Variants in EIF4H observed in about 807,000 individuals in gnomAD.
EIF4H encodes eukaryotic translation initiation factor 4H.
EIF4H carries 8 observed loss-of-function variants against 30.6 expected under a neutral mutation model. The ratio of observed to expected loss-of-function variants is 0.26; its 90% CI spans 0.15 to 0.47. EIF4H has a LOEUF of 0.47. EIF4H is among the 20% of genes least tolerant of loss of function. The pLI is 0.99. For synonymous variants in EIF4H, 106 were observed against 122.7 expected, an observed-to-expected ratio of 0.86 and a Z score of 0.90; for missense variants, 188 against 339.5, an observed-to-expected ratio of 0.55 and a Z score of 3.51.
intron 1 of EIF4H, among the ~76,000 whole-genome samples, chr7:74,181,838 TCCC>T (rs1800970041): frequency 1.3e-5 from 2 of 151,668 alleles, no homozygotes. Context: ...CCCCTCAGCC[TCCC>T]GAGTAGCTGG....
intron 1 of EIF4H, among the ~76,000 whole-genome samples, chr7:74,178,566 T>C (rs1202267076): frequency 6.6e-6 from 1 of 151,820 alleles, no homozygotes; most frequent in Middle Eastern, 3.2e-3. Flanking sequence ...AAAGAAAAAT[T>C]AAGCTTAGTG....
At chr7:74,180,342 C>T (rs546252114) in intron 1 of EIF4H, among the ~76,000 whole-genome samples, 1 of 152,334 alleles carries the variant, frequency 6.6e-6, no homozygotes, top group African/African-American at 2.4e-5. Context: ...AGTGCTTTTC[C>T]TGCAGCAGCC....
At chr7:74,174,562 T>G in intron 1 of EIF4H, 120 bp downstream of exon 1, 1 of 973,700 alleles carries the variant, frequency 1.0e-6, no homozygotes, top group Non-Finnish European at 1.3e-6. Context: ...CGCGGAGGCC[T>G]AGGAGCGGCG....
rs1248599445 is a variant in EIF4H, at chr7:74,189,589, G to T, written c.248-84G>T. The T allele has an allele frequency of 6.7e-6, 10 of 1,489,674 alleles. No individual in the cohort carries two copies. The African/African-American group carries it at 1.3e-4, about 19-fold the overall frequency. The allele number at this position is 1,489,674 out of a possible 1,614,324, so 92.3% of individuals were successfully genotyped here. ...TAGACAACAGAATGGTAGTTGTGAC[G>T]TGGAGAAGTAGTATGAATAGGATCT... On this transcript the variant is annotated intron_variant, in intron 2 of 6. Transcript: ENST00000265753.
In EIF4H at chr7:74,186,898, A is replaced by G. The variant is rs138792351; in HGVS notation, c.60-713A>G. On this transcript the variant is annotated intron_variant, in intron 1 of 6. Transcript: ENST00000265753. ...CAGTGGTGCGATCTTGGCTCACTGCAGCCTCCGCTTCCCAGGTTCAAGCGG... is the reference window on the plus strand; with the variant it reads ...CAGTGGTGCGATCTTGGCTCACTGCGGCCTCCGCTTCCCAGGTTCAAGCGG... 6.2e-3 allele frequency among the ~76,000 whole-genome samples: 851 copies of G among 137,568 alleles called. 14 individuals are homozygous for G. Among genetic ancestry groups the G allele is most frequent in the African/African-American group, 0.022 (797 of 37,024 alleles). 90.2% of individuals were successfully genotyped at this position (137,568 alleles called of 152,430 possible). A position where few individuals can be genotyped will look rare whatever the true frequency, so the allele number is the denominator to read the frequency against.
At chr7:74,180,534 C>T (rs1339593470) in intron 1 of EIF4H, among the ~76,000 whole-genome samples, 1 of 152,202 alleles carries the variant, frequency 6.6e-6, no homozygotes, top group Non-Finnish European at 1.5e-5. Flanking sequence ...TAGTTTGATG[C>T]CCCTGCCTTC....
chr7:74,180,779 T>C (rs1213812937), intron 1 of EIF4H, among the ~76,000 whole-genome samples: 2 of 152,246 alleles, frequency 1.3e-5, no homozygotes, highest in African/African-American at 4.8e-5. Context: ...ATACAGCAGC[T>C]CTTAAGTCTC....
chr7:74,193,008 T>A (rs1209864458), intron 5 of EIF4H, among the ~76,000 whole-genome samples: 1 of 152,158 alleles, frequency 6.6e-6, no homozygotes, highest in Non-Finnish European at 1.5e-5. Context: ...GACGCCTCAT[T>A]TAATGTTAGT....
intron 4 of EIF4H, 117 bp downstream of exon 4, chr7:74,190,035 A>T: frequency 7.9e-7 from 1 of 1,267,466 alleles, no homozygotes; most frequent in South Asian, 1.5e-5. Context: ...GGTTCTCGTG[A>T]GCTCTTAAAA....
Position 74,195,412 on chromosome 7 carries a change from T to C in EIF4H, c.*104T>C. The C allele has an allele frequency of 7.5e-7, 1 of 1,336,806 alleles. No individual in the cohort carries two copies. Among genetic ancestry groups the C allele is most frequent in the Non-Finnish European group, 1.0e-6 (1 of 985,730 alleles). 82.8% of individuals were successfully genotyped at this position (1,336,806 alleles called of 1,614,324 possible). On this transcript the variant is annotated 3_prime_UTR_variant, in exon 7 of 7. Coordinates refer to ENST00000265753, the MANE Select transcript of EIF4H (RefSeq NM_022170.2). ...CAGCCGCCACTCCTGCGCCTGCCAT[T>C]GGCCTCCTCACAGCGGAAACACAGC...
chr7:74,174,474 G>T, intron 1 of EIF4H, 32 bp downstream of exon 1: 1 of 1,385,664 alleles, frequency 7.2e-7, no homozygotes, highest in Non-Finnish European at 9.5e-7. Context: ...CCCGTCGGGG[G>T]CTGCGGGACC....
chr7:74,189,982 G>A (rs782408218), intron 4 of EIF4H, 64 bp downstream of exon 4: 3 of 1,561,532 alleles, frequency 1.9e-6, no homozygotes, highest in South Asian at 2.3e-5. Flanking sequence ...ATTCCAACTC[G>A]TGAACGTTCC....
intron 1 of EIF4H, among the ~76,000 whole-genome samples, chr7:74,185,742 A>C (rs924209572): frequency 7.9e-5 from 12 of 152,132 alleles, no homozygotes; most frequent in Non-Finnish European, 1.5e-4. Context: ...GTTGCTCTCT[A>C]AGATGGATAT....
At chr7:74,175,227 T>C (rs557481553) in intron 1 of EIF4H, among the ~76,000 whole-genome samples, 2 of 152,322 alleles carry the variant, frequency 1.3e-5, no homozygotes, top group South Asian at 4.1e-4. Flanking sequence ...AAAAGAAACA[T>C]CTTTGAATAG....
chr7:74,176,768 GCCAGGGAGAGAA>G (rs1800851680), intron 1 of EIF4H, among the ~76,000 whole-genome samples: 1 of 152,180 alleles, frequency 6.6e-6, no homozygotes, highest in South Asian at 2.1e-4. Flanking sequence ...GTCCCCAGCA[GCCAGGGAGAGAA>G]CCAGGGACTG....
chr7:74,188,744 T>C (rs192084917), intron 2 of EIF4H, among the ~76,000 whole-genome samples: 38 of 152,292 alleles, frequency 2.5e-4, no homozygotes, highest in African/African-American at 8.7e-4. Flanking sequence ...GGAGTTTGGC[T>C]CATGAAGGAC....
chr7:74,189,523 G>A, intron 2 of EIF4H, 150 bp from the exon 3 acceptor site: 1 of 764,660 alleles, frequency 1.3e-6, no homozygotes, highest in East Asian at 2.7e-5. Flanking sequence ...ATGCCAGTCA[G>A]GGTTCTATCT....
At chr7:74,188,691 G>T (rs1554709499) in intron 2 of EIF4H, among the ~76,000 whole-genome samples, 1 of 152,172 alleles carries the variant, frequency 6.6e-6, no homozygotes, top group East Asian at 1.9e-4. Flanking sequence ...TGGAGTGTGT[G>T]GGTGAGCCTA....
At chr7:74,192,500 A>G (rs1213269855) in intron 5 of EIF4H, among the ~76,000 whole-genome samples, 1 of 151,996 alleles carries the variant, frequency 6.6e-6, no homozygotes, top group South Asian at 2.1e-4. Context: ...TGCCACCTTT[A>G]AAGAATAGAA....
Sources: gnomAD v4.1 joint callset for allele counts (sites outside exome capture counted in the v4.1 genomes callset) on GRCh38, gnomAD v4.1.1 for gene constraint, MANE v1.5 for transcripts, NCBI Gene and HGNC (gene_info 2026-07-23, HGNC 2026-07-21) for gene names.